The following ANKRD26 variants were observed in gnomAD, a reference collection of about 807,000 sequenced individuals.
The protein encoded by ANKRD26 is ankyrin repeat domain 26, also known as ankyrin repeat domain-containing protein 26.
Under a neutral mutation model 208.7 loss-of-function variants are expected in ANKRD26, and 141 were observed. The observed-to-expected ratio is 0.68, with a 90% CI of 0.59 to 0.78. The LOEUF (loss-of-function observed/expected upper bound fraction) is 0.78. ANKRD26 is among the 30% of genes least tolerant of loss of function. The pLI is 0.00. For synonymous variants in ANKRD26, 636 were observed against 660.4 expected, an observed-to-expected ratio of 0.96 and a Z score of 0.57; for missense variants, 1,889 against 1,938.7, an observed-to-expected ratio of 0.97 and a Z score of 0.48.
chr10:26,957,465 T>A, the ANKRD26 span, among the ~76,000 whole-genome samples: 3 of 152,166 alleles, frequency 2.0e-5, no homozygotes, highest in Admixed American at 2.0e-4. Flanking sequence ...AGAACAAAGT[T>A]GTACAACTAC....
chr10:26,981,888 C>T (rs574598129), intron 4 of ANKRD26, among the ~76,000 whole-genome samples: 7 of 152,230 alleles, frequency 4.6e-5, no homozygotes, highest in South Asian at 4.1e-4. Flanking sequence ...GGGCTCAAGG[C>T]GCAGGAGGGG....
rs1317951100 is a variant in ANKRD26, at chr10:27,005,559, C to T, written c.*31G>A. 2 of 1,596,442 alleles carry T rather than the reference C, an allele frequency of 1.3e-6. No homozygotes were observed. The highest frequency in any genetic ancestry group is 1.7e-6 in the Non-Finnish European group (2 of 1,166,648). Reference sequence around the variant, plus strand: ...ATATTTAATGAGAAACAAAATGTCACATAAACAGCCCAGTAATAAAATCTT... The same window carrying T: ...ATATTTAATGAGAAACAAAATGTCATATAAACAGCCCAGTAATAAAATCTT... On this transcript the variant is annotated 3_prime_UTR_variant, in exon 34 of 34. Coordinates refer to ENST00000376087, the MANE Select transcript of ANKRD26 (RefSeq NM_014915.3).
At position 27,029,280 on chromosome 10, in the gene ANKRD26, T is replaced by C; in HGVS notation, c.3878+6A>G. The C allele has an allele frequency of 1.9e-6, 3 of 1,608,718 alleles. No individual in the cohort carries two copies. Among genetic ancestry groups the C allele is most frequent in the South Asian group, 2.2e-5 (2 of 90,210 alleles). On this transcript the variant is annotated splice_donor_region_variant and intron_variant, in intron 26 of 33. Transcript: ENST00000376087. ...ATGTTTTTCTGTGTGCTGCTTTAAA[T>C]TTTACTTTTGCTTGTGATCTTGCAT... is the stretch of plus-strand genomic sequence containing the variant.
Position 27,079,145 on chromosome 10 carries a change from C to G in ANKRD26, c.757G>C (p.Gly253Arg), listed in dbSNP as rs746113236. The change falls in exon 7 of 34, where the codon GGT becomes CGT. Residue 253 changes from glycine (G) to arginine (R), a missense_variant. Around this residue, in one of 3 missense-constraint regions of ANKRD26, gnomAD observed 1,272 missense variants for 1,273.8 expected, o/e 1.00. Transcript: ENST00000376087. ...DSLSRLSGKP[G>R]VDDSWPTSDD... ...GAGGTAGGCCATGAATCATCAACAC[C>G]CGGTTTGCCAGAAAGCCTTTAGAAC... 6.2e-7 allele frequency: 1 copy of G among 1,613,684 alleles called. No homozygotes were observed. The highest frequency in any genetic ancestry group is 1.7e-5 in the Admixed American group (1 of 60,010).
Position 27,077,345 on chromosome 10 carries a change from A to G in ANKRD26, c.1070T>C (p.Leu357Pro). 1 of 1,613,304 alleles carries G rather than the reference A, an allele frequency of 6.2e-7. No homozygotes were observed. Among genetic ancestry groups the G allele is most frequent in the East Asian group, 2.2e-5 (1 of 44,848 alleles). The change falls in exon 9 of 34, where the codon CTT (leucine) becomes CCT (proline). Residue 357 changes from leucine to proline, a missense_variant. Physicochemically the swap from Leu to Pro is moderately conservative, Grantham distance 98. Coordinates refer to ENST00000376087, the MANE Select transcript of ANKRD26 (RefSeq NM_014915.3). ...TTTTAAAAAACAACTTACCTTCATA[A>G]GACCAGGGTTTGCTAACGACTTGTG... The part of the protein sequence containing the change: ...PSHKSLANPG[L>P]MKEEPTKPGI...
intron 27 of ANKRD26, among the ~76,000 whole-genome samples, chr10:27,028,629 T>A (rs564141291): frequency 1.4e-5 from 2 of 146,426 alleles, no homozygotes; most frequent in Non-Finnish European, 3.0e-5. Context: ...AACTTCAGGC[T>A]ACATATATAA....
intron 3 of ANKRD26, among the ~76,000 whole-genome samples, chr10:26,984,161 G>A (rs1015118222): frequency 6.6e-6 from 1 of 152,166 alleles, no homozygotes; most frequent in African/African-American, 2.4e-5. Flanking sequence ...GATAAACCAG[G>A]TGCTGGGTTC....
At chr10:27,085,800 C>T (rs1198333598) in intron 5 of ANKRD26, among the ~76,000 whole-genome samples, 1 of 152,188 alleles carries the variant, frequency 6.6e-6, no homozygotes, top group African/African-American at 2.4e-5. Context: ...ACCAACCTCT[C>T]ATCTTCCTCT....
chr10:27,091,750 A>G (rs1564434095), intron 4 of ANKRD26, among the ~76,000 whole-genome samples: 1 of 152,206 alleles, frequency 6.6e-6, no homozygotes, highest in Non-Finnish European at 1.5e-5. Context: ...GTACTTTGGA[A>G]GGCCAAGGCG....
the ANKRD26 span, among the ~76,000 whole-genome samples, chr10:26,962,073 G>A: frequency 6.6e-6 from 1 of 152,184 alleles, no homozygotes; most frequent in African/African-American, 2.4e-5. Context: ...TGATATGGTG[G>A]ATAGACAAGG....
At chr10:27,078,600 C>G (rs11015505) in intron 7 of ANKRD26, among the ~76,000 whole-genome samples, 14,214 of 152,026 alleles carry the variant, frequency 0.093, 2,155 homozygotes, top group African/African-American at 0.32. Context: ...TATTTACAAC[C>G]AGTTTTTTAA....
chr10:26,954,803 T>C, the ANKRD26 span, among the ~76,000 whole-genome samples: 1 of 152,168 alleles, frequency 6.6e-6, no homozygotes, highest in South Asian at 2.1e-4. Flanking sequence ...AAAGCTTTCT[T>C]TTCCTCTACA....
intron 32 of ANKRD26, among the ~76,000 whole-genome samples, chr10:27,011,953 T>C (rs1293083185): frequency 6.6e-6 from 1 of 152,138 alleles, no homozygotes; most frequent in African/African-American, 2.4e-5. Context: ...TTTACAAAAA[T>C]TGAGAGAAAA....
chr10:27,090,541 T>G (rs569211385), intron 4 of ANKRD26, among the ~76,000 whole-genome samples: 1 of 152,186 alleles, frequency 6.6e-6, no homozygotes, highest in African/African-American at 2.4e-5. Context: ...CTAATAGACA[T>G]AAGCATCTTG....
intron 5 of ANKRD26, among the ~76,000 whole-genome samples, chr10:26,992,402 TTC>T (rs2052502864): frequency 6.6e-6 from 1 of 151,784 alleles, no homozygotes; most frequent in South Asian, 2.1e-4. Context: ...GGAAGGCTTA[TTC>T]CTAAGGTCAT....
chr10:27,035,323 G>A lies in ANKRD26; in HGVS notation c.3127C>T (p.Arg1043Cys), dbSNP rs747235370. The A allele has an allele frequency of 6.8e-6, 11 of 1,613,832 alleles. No individual in the cohort carries two copies. Among genetic ancestry groups the A allele is most frequent in the East Asian group, 4.5e-5 (2 of 44,860 alleles). Residue 1043 changes from arginine to cysteine, a missense_variant, in exon 24 of 34, where the codon CGT becomes TGT. Coordinates refer to ENST00000376087, the MANE Select transcript of ANKRD26 (RefSeq NM_014915.3). ...TCAAAATTCATTTTGTCCTGTAAACGAGAACATTCATCTCTTGCTCTCTGG... is the reference window on the plus strand; with the variant it reads ...TCAAAATTCATTTTGTCCTGTAAACAAGAACATTCATCTCTTGCTCTCTGG... ...AFQRARDECS[R>C]LQDKMNFDVS...
downstream of ANKRD26, among the ~76,000 whole-genome samples, chr10:26,970,574 T>C (rs1456798447): frequency 6.6e-6 from 1 of 152,164 alleles, no homozygotes. Context: ...ATACTTCCCA[T>C]ACAGCCTGCA....
rs560911687 is a variant in ANKRD26 at position 27,046,052 on chromosome 10, TA to T, written c.1985+300del. 2.4e-4 allele frequency: 66 copies of T among 270,100 alleles called. 1 individual carries two copies. The South Asian group carries it at 4.3e-3, about 18-fold the overall frequency. The allele number at this position is 270,100 out of a possible 1,614,324, so 16.7% of individuals were successfully genotyped here. A position where few individuals can be genotyped will look rare whatever the true frequency, so the allele number is the denominator to read the frequency against. On this transcript the variant is annotated intron_variant, in intron 18 of 33. Transcript: ENST00000376087. ...AACTCTAAAAGCTTGCATTTTAAAA[TA>T]AAAAAGAAAGAAGGCTCCCTTGAAT...
chr10:27,082,766 C>G (rs2061988851), intron 6 of ANKRD26, 37 bp downstream of exon 6: 1 of 1,552,330 alleles, frequency 6.4e-7, no homozygotes, highest in African/African-American at 1.4e-5. Flanking sequence ...TCTCTGTATT[C>G]CTTTAAATAT....
Sources: allele counts gnomAD v4.1 joint callset (sites outside exome capture counted in the v4.1 genomes callset), GRCh38; gene constraint gnomAD v4.1.1; regional missense constraint gnomAD v4.1.1; transcripts MANE v1.5; gene names NCBI Gene and HGNC (gene_info 2026-07-23, HGNC 2026-07-21).